Variants in PMS1 observed in about 807,000 individuals in gnomAD.
The protein encoded by PMS1 is PMS1 protein homolog 1.
In PMS1, 79 loss-of-function variants were observed where a neutral mutation model predicts 93.1. That is an observed-to-expected ratio of 0.85 (90% confidence interval 0.71 to 1.02). The LOEUF is 1.02. PMS1 is among the 50% of genes least tolerant of loss of function. The probability of loss-of-function intolerance (pLI) is 0.00; values close to 1 mark genes in which losing one functional copy is unlikely to be tolerated. For missense variants in PMS1, 1,064 were observed against 1,085.3 expected, an observed-to-expected ratio of 0.98 and a Z score of 0.28; for synonymous variants, 335 against 363.4, an observed-to-expected ratio of 0.92 and a Z score of 0.89.
intron 12 of PMS1, among the ~76,000 whole-genome samples, chr2:189,874,630 A>G (rs2057410682): frequency 1.3e-5 from 2 of 152,182 alleles, no homozygotes; most frequent in East Asian, 3.8e-4. Flanking sequence ...TTTAAAAATG[A>G]GCCATTTTTG....
chr2:189,806,032 G>A, intron 4 of PMS1: 1 of 904,642 alleles, frequency 1.1e-6, no homozygotes, highest in Non-Finnish European at 1.6e-6. Context: ...ACCAGTGCTG[G>A]ATTACCAGTG....
chr2:189,835,097 T>C (rs2106383855), intron 5 of PMS1, among the ~76,000 whole-genome samples: 1 of 152,342 alleles, frequency 6.6e-6, no homozygotes, highest in South Asian at 2.1e-4. Context: ...AATTATTCTT[T>C]TCTTTATCTT....
Position 189,805,745 on chromosome 2 carries a change from C to G in PMS1, c.409C>G (p.Leu137Val). 1 of 1,613,666 alleles carries G rather than the reference C, an allele frequency of 6.2e-7. No individual in the cohort carries two copies. Among genetic ancestry groups the G allele is most frequent in the Non-Finnish European group, 8.5e-7 (1 of 1,179,860 alleles). The change falls in exon 4 of 13, where the codon CTT becomes GTT. Residue 137 changes from leucine (L) to valine (V), a missense_variant. Leu to Val is a conservative substitution (Grantham distance 32, BLOSUM62 1). Transcript: ENST00000441310. The part of the protein sequence containing the change: ...GHILSQKPSH[L>V]GQGTTVTALR... ...CATACTTTCTCAGAAACCTTCACAT[C>G]TTGGTCAAGGTAAGAAAGTAGCTTT...
chr2:189,836,509 C>G (rs1559278807), intron 5 of PMS1, among the ~76,000 whole-genome samples: 1 of 152,186 alleles, frequency 6.6e-6, no homozygotes, highest in African/African-American at 2.4e-5. Flanking sequence ...TTGAAAATAA[C>G]ATAGAATTGA....
At position 189,867,800 on chromosome 2, in the gene PMS1, CT is replaced by C; in HGVS notation, c.2349del (p.Phe783LeufsTer7). The C allele has an allele frequency of 6.4e-7, 1 of 1,572,090 alleles. No homozygotes were observed. Among genetic ancestry groups the C allele is most frequent in the Non-Finnish European group, 8.8e-7 (1 of 1,142,156 alleles). On this transcript the variant is annotated frameshift_variant and splice_region_variant, in exon 11 of 13. Coordinates refer to ENST00000441310, the MANE Select transcript of PMS1 (RefSeq NM_000534.5). LOFTEE classifies it high-confidence loss of function. ...AAAGGGCCATAATTTCTTTTTCAGT[CT>C]TTTTAATGGATCTCATTATTTAGAC... is the stretch of plus-strand genomic sequence containing the variant. The part of the protein sequence containing the change: ...LEKPIMLTES[L>X]FNGSHYLDVL...
intron 12 of PMS1, among the ~76,000 whole-genome samples, chr2:189,876,286 T>A (rs2057561724): frequency 6.6e-6 from 1 of 152,074 alleles, no homozygotes; most frequent in Admixed American, 6.6e-5. Context: ...GAGCTGTAGG[T>A]ACTATAAGAG....
intron 1 of PMS1, among the ~76,000 whole-genome samples, chr2:189,787,499 A>G (rs955325689): frequency 3.3e-5 from 5 of 152,232 alleles, no homozygotes; most frequent in Non-Finnish European, 7.3e-5. Flanking sequence ...TAATTAATTT[A>G]ATCTTTACAG....
At chr2:189,812,115 A>G (rs1367992155) in intron 4 of PMS1, among the ~76,000 whole-genome samples, 1 of 152,204 alleles carries the variant, frequency 6.6e-6, no homozygotes, top group Non-Finnish European at 1.5e-5. Context: ...AGCCTGGCCA[A>G]CATGGCGAAA....
In PMS1 at chr2:189,844,139, T is replaced by C. The variant is rs2054045091; in HGVS notation, c.699+59T>C. ...TTTACTCATGAAGCTGTTCACATAT[T>C]TCCCTTTGGGGGAGTTACAGTGGCA... is the stretch of plus-strand genomic sequence containing the variant. On this transcript the variant is annotated intron_variant, in intron 6 of 12. Transcript: ENST00000441310. 6.8e-6 allele frequency: 11 copies of C among 1,607,426 alleles called. No individual in the cohort carries two copies. The South Asian group carries it at 1.2e-4, about 18-fold the overall frequency.
intron 10 of PMS1, 54 bp downstream of exon 10, chr2:189,864,282 A>G (rs374975472): frequency 8.3e-7 from 1 of 1,204,540 alleles, no homozygotes; most frequent in African/African-American, 1.5e-5. Context: ...AATAGTTCAT[A>G]CTAGATTAAA....
At chr2:189,876,580 C>T (rs146381133) in intron 12 of PMS1, among the ~76,000 whole-genome samples, 246 of 151,972 alleles carry the variant, frequency 1.6e-3, no homozygotes, top group African/African-American at 5.9e-3. Context: ...TTTTCTTTGC[C>T]CATGATCTTT....
intron 5 of PMS1, among the ~76,000 whole-genome samples, chr2:189,832,586 C>T (rs902762038): frequency 1.3e-5 from 2 of 152,142 alleles, no homozygotes; most frequent in South Asian, 4.2e-4. Context: ...CTGCCTCAGC[C>T]TCCCGGGTAG....
intron 1 of PMS1, among the ~76,000 whole-genome samples, chr2:189,787,555 ATATAT>A (rs1210913293): frequency 6.6e-6 from 1 of 152,130 alleles, no homozygotes; most frequent in Non-Finnish European, 1.5e-5. Flanking sequence ...GATATTTTGA[ATATAT>A]TAGATTATCC....
chr2:189,818,025 G>C lies in PMS1; in HGVS notation c.427G>C (p.Val143Leu). The part of the protein sequence containing the change: ...KPSHLGQGTT[V>L]TALRLFKNLP... ...CTCTTGTCTGCCAACAGGTACAACT[G>C]TAACTGCTTTAAGATTATTTAAGAA... Residue 143 changes from valine to leucine, a missense_variant, in exon 5 of 13, where the codon GTA becomes CTA. Coordinates refer to ENST00000441310, the MANE Select transcript of PMS1 (RefSeq NM_000534.5). The C allele has an allele frequency of 1.2e-6, 2 of 1,608,378 alleles. No homozygotes were observed. Among genetic ancestry groups the C allele is most frequent in the South Asian group, 1.1e-5 (1 of 90,694 alleles).
chr2:189,871,709 C>G (rs1487602436), intron 11 of PMS1, among the ~76,000 whole-genome samples: 2 of 152,218 alleles, frequency 1.3e-5, no homozygotes, highest in Non-Finnish European at 2.9e-5. Context: ...CTTCAGTTAT[C>G]TTTATAGCAG....
intron 4 of PMS1, among the ~76,000 whole-genome samples, chr2:189,812,566 A>G (rs1393407428): frequency 2.6e-5 from 4 of 152,234 alleles, no homozygotes; most frequent in Non-Finnish European, 5.9e-5. Context: ...TATTTTACAA[A>G]AACAAAATCA....
At chr2:189,842,212 CAT>C (rs757301223) in intron 5 of PMS1, among the ~76,000 whole-genome samples, 8 of 152,024 alleles carry the variant, frequency 5.3e-5, no homozygotes, top group South Asian at 2.1e-4. Context: ...ACATTGGAAA[CAT>C]ATGATGACTA....
At position 189,854,086 on chromosome 2, in the gene PMS1, ACT is replaced by A. The variant is rs753309287; in HGVS notation, c.966+7_966+8del. 8 of 1,569,754 alleles carry A rather than the reference ACT, an allele frequency of 5.1e-6. No individual in the cohort carries two copies. Among genetic ancestry groups the A allele is most frequent in the Non-Finnish European group, 7.0e-6 (8 of 1,149,992 alleles). ...CCAAGTATTATTACAAAATAAGGTA[ACT>A]CTTTTCAGATAATTTTTTCTTATGC... On this transcript the variant is annotated splice_donor_5th_base_variant and intron_variant, in intron 8 of 12. Transcript: ENST00000441310.
intron 4 of PMS1, among the ~76,000 whole-genome samples, chr2:189,815,829 A>G (rs1316906332): frequency 6.6e-6 from 1 of 152,196 alleles, no homozygotes; most frequent in Non-Finnish European, 1.5e-5. Flanking sequence ...CCACATTAGC[A>G]TCTTCTGTTT....
Sources: gnomAD v4.1 joint callset for allele counts (sites outside exome capture counted in the v4.1 genomes callset) on GRCh38, gnomAD v4.1.1 for gene constraint, MANE v1.5 for transcripts, NCBI Gene and HGNC (gene_info 2026-07-23, HGNC 2026-07-21) for gene names.